Variants in PACSIN1 observed in about 807,000 individuals in gnomAD.
PACSIN1 encodes protein kinase C and casein kinase substrate in neurons 1.
PACSIN1 carries 15 observed loss-of-function variants against 59.5 expected under a neutral mutation model. That is an observed-to-expected ratio of 0.25 (90% CI 0.17 to 0.39). PACSIN1 has a LOEUF of 0.39. PACSIN1 is among the 10% of genes least tolerant of loss of function. The pLI, the probability that PACSIN1 is intolerant of heterozygous loss-of-function variation, is 1.00. For missense variants in PACSIN1, 420 were observed against 580.2 expected, an observed-to-expected ratio of 0.72 and a Z score of 2.84; for synonymous variants, 210 against 220.6, an observed-to-expected ratio of 0.95 and a Z score of 0.42.
At position 34,529,501 on chromosome 6, in the gene PACSIN1, G is replaced by A. The variant is rs149629938; in HGVS notation, c.561G>A (p.Gln187=). 10 of 1,614,052 alleles carry A rather than the reference G, an allele frequency of 6.2e-6. No homozygotes were observed. The African/African-American group carries it at 1.2e-4, about 19-fold the overall frequency. ...CGGAGCAATCGGTCACACCTGAGCA[G>A]CAAAAGAAGCTGCAGGACAAAGTGG... ...SKTEQSVTPE[Q]QKKLQDKVDK... Residue 187 remains glutamine (Q), a synonymous_variant, in exon 5 of 10, where the codon CAG becomes CAA. Coordinates refer to ENST00000244458, the MANE Select transcript of PACSIN1 (RefSeq NM_020804.5). The surrounding 1 kb of genome is among the most constrained non-coding windows in gnomAD (Gnocchi z 6.3).
intron 1 of PACSIN1, among the ~76,000 whole-genome samples, chr6:34,496,247 T>C (rs573443947): frequency 1.3e-5 from 2 of 152,190 alleles, no homozygotes; most frequent in African/African-American, 4.8e-5. Flanking sequence ...ATTATGAAGA[T>C]TGCACAGGCA....
At chr6:34,492,916 C>A (rs1361780454) in intron 1 of PACSIN1, among the ~76,000 whole-genome samples, 1 of 152,176 alleles carries the variant, frequency 6.6e-6, no homozygotes, top group Non-Finnish European at 1.5e-5. Context: ...CACGTGTACT[C>A]CTGTATCTAA....
intron 1 of PACSIN1, among the ~76,000 whole-genome samples, chr6:34,480,316 C>T (rs898057211): frequency 2.6e-5 from 4 of 151,436 alleles, no homozygotes; most frequent in Admixed American, 6.6e-5. Context: ...CCTCTGCCTC[C>T]CAGGCTCAAA....
chr6:34,502,525 G>T (rs553087064), intron 1 of PACSIN1, among the ~76,000 whole-genome samples: 1 of 144,864 alleles, frequency 6.9e-6, no homozygotes, highest in Non-Finnish European at 1.5e-5. Flanking sequence ...GAGTGCAGTG[G>T]CGTGATCTCG....
chr6:34,514,305 T>C lies in PACSIN1; in HGVS notation c.-63-11938T>C, dbSNP rs559727180. ...GGTGCCGACAGCTAGCCCAGGAACC[T>C]TGGACTCTCCAATTCTTTTACAGCT... On this transcript the variant is annotated intron_variant, in intron 1 of 9. Coordinates refer to ENST00000244458, the MANE Select transcript of PACSIN1 (RefSeq NM_020804.5). This position sits in a 1 kb window ranked among gnomAD's most constrained non-coding sequence, Gnocchi z 4.4. Among the ~76,000 whole-genome samples, 1 of 152,112 alleles carries C rather than the reference T, an allele frequency of 6.6e-6. No individual in the cohort carries two copies. Among genetic ancestry groups the C allele is most frequent in the East Asian group, 1.9e-4 (1 of 5,162 alleles).
rs1281479825 is a variant in PACSIN1 at position 34,530,045 on chromosome 6, G to A, written c.789-198G>A. ...ACTCTAGAAACACATGCTGGATGATGGGTGAATGGCTAAGGTGGGAGGGAA... is the reference window on the plus strand; with the variant it reads ...ACTCTAGAAACACATGCTGGATGATAGGTGAATGGCTAAGGTGGGAGGGAA... On this transcript the variant is annotated intron_variant, in intron 6 of 9. Coordinates refer to ENST00000244458, the MANE Select transcript of PACSIN1 (RefSeq NM_020804.5). The surrounding 1 kb of genome is among the most constrained non-coding windows in gnomAD (Gnocchi z 4.4). Among the ~76,000 whole-genome samples, 1 of 152,182 alleles carries A rather than the reference G, an allele frequency of 6.6e-6. No homozygotes were observed. Among genetic ancestry groups the A allele is most frequent in the Non-Finnish European group, 1.5e-5 (1 of 68,032 alleles).
Position 34,528,817 on chromosome 6 carries a change from G to T in PACSIN1, c.396G>T (p.Thr132=). The change falls in exon 4 of 10, where the codon ACG becomes ACT. Residue 132 remains threonine, a synonymous_variant. Coordinates refer to ENST00000244458, the MANE Select transcript of PACSIN1 (RefSeq NM_020804.5). The stretch of plus-strand genomic sequence containing the variant: ...AGATCATGGGTGGCTTCAAGGAGAC[G>T]AAGGAGGCTGAAGATGGCTTCCGCA... ...HKQIMGGFKE[T]KEAEDGFRKA... 1 of 1,596,374 alleles carries T rather than the reference G, an allele frequency of 6.3e-7. No homozygotes were observed. The highest frequency in any genetic ancestry group is 8.6e-7 in the Non-Finnish European group (1 of 1,168,806).
intron 1 of PACSIN1, among the ~76,000 whole-genome samples, chr6:34,501,727 A>T (rs1475176923): frequency 6.6e-6 from 1 of 152,160 alleles, no homozygotes; most frequent in Non-Finnish European, 1.5e-5. Flanking sequence ...TCAGAAAGGT[A>T]GGTTATTAAA....
At chr6:34,508,165 G>A (rs776815854) in intron 1 of PACSIN1, among the ~76,000 whole-genome samples, 5 of 152,090 alleles carry the variant, frequency 3.3e-5, no homozygotes, top group South Asian at 2.1e-4. Context: ...GTCCAATGGC[G>A]CAATCTCAGC....
rs1395912749 is a variant in PACSIN1, at chr6:34,531,861, T to C, written c.1225+74T>C. The C allele has an allele frequency of 7.2e-7, 1 of 1,386,700 alleles. No homozygotes were observed. The highest frequency in any genetic ancestry group is 1.4e-5 in the South Asian group (1 of 71,824). The allele number at this position is 1,386,700 out of a possible 1,614,324, so 85.9% of individuals were successfully genotyped here. A position where few individuals can be genotyped will look rare whatever the true frequency, so the allele number is the denominator to read the frequency against. ...TGGGTGTGTGGTGGTGCAGGGGCGG[T>C]GCCTGAGAGAGAAGCTTGGGTCTGG... On this transcript the variant is annotated intron_variant, in intron 9 of 9. Coordinates refer to ENST00000244458, the MANE Select transcript of PACSIN1 (RefSeq NM_020804.5). The surrounding 1 kb of genome is among the most constrained non-coding windows in gnomAD (Gnocchi z 4.4).
rs746256068 is a variant in PACSIN1 at position 34,489,156 on chromosome 6, CCTGGGT to C, written c.-64+22887_-64+22892del. Among the ~76,000 whole-genome samples, 41 of 150,454 alleles carry C rather than the reference CCTGGGT, an allele frequency of 2.7e-4. No individual in the cohort carries two copies. In the East Asian group the frequency reaches 6.3e-3, roughly 23 times the overall value. ...AGTTGGTGCCACTGCTGCACACCAG[CCTGGGT>C]GATAGAGTGAGAGTTTGTCTCAAAA... On this transcript the variant is annotated intron_variant, in intron 1 of 9. Transcript: ENST00000244458.
intron 1 of PACSIN1, among the ~76,000 whole-genome samples, chr6:34,507,690 G>C (rs1386460540): frequency 6.6e-6 from 1 of 152,084 alleles, no homozygotes; most frequent in Admixed American, 6.6e-5. Flanking sequence ...TATACCCATC[G>C]AATAGCAGCT....
intron 1 of PACSIN1, among the ~76,000 whole-genome samples, chr6:34,469,210 G>A (rs1766538467): frequency 6.6e-6 from 1 of 152,016 alleles, no homozygotes. Context: ...GCTTGGTTTG[G>A]TTTTACATTT....
At chr6:34,485,393 G>A (rs114158225) in intron 1 of PACSIN1, among the ~76,000 whole-genome samples, 2,718 of 152,154 alleles carry the variant, frequency 0.018, 50 homozygotes, top group African/African-American at 0.051. Flanking sequence ...GGGACAGGGG[G>A]CTGGGGCAGA....
intron 1 of PACSIN1, among the ~76,000 whole-genome samples, chr6:34,489,688 G>A (rs946247471): frequency 1.3e-5 from 2 of 152,166 alleles, no homozygotes; most frequent in African/African-American, 4.8e-5. Flanking sequence ...CCTGTGAGCC[G>A]AAGCTGGGCC....
At chr6:34,495,509 G>C (rs1338323788) in intron 1 of PACSIN1, among the ~76,000 whole-genome samples, 1 of 151,066 alleles carries the variant, frequency 6.6e-6, no homozygotes, top group Non-Finnish European at 1.5e-5. Flanking sequence ...CTAAAGTGCA[G>C]TGGCACTATC....
chr6:34,528,431 G>A (rs1767527058), intron 3 of PACSIN1, among the ~76,000 whole-genome samples: 1 of 152,260 alleles, frequency 6.6e-6, no homozygotes, highest in East Asian at 1.9e-4. Flanking sequence ...TGCAGCGAGG[G>A]CTGCTGGCCA....
chr6:34,506,356 G>A (rs1029032694), intron 1 of PACSIN1, among the ~76,000 whole-genome samples: 1 of 152,088 alleles, frequency 6.6e-6, no homozygotes. Flanking sequence ...GTCTGGGACT[G>A]CAGCCATGCA....
intron 1 of PACSIN1, among the ~76,000 whole-genome samples, chr6:34,506,308 A>C (rs1767113909): frequency 6.6e-6 from 1 of 152,046 alleles, no homozygotes; most frequent in Non-Finnish European, 1.5e-5. Flanking sequence ...GCCTCGACCT[A>C]CTGGGCTCAA....
Sources: allele counts gnomAD v4.1 joint callset (sites outside exome capture counted in the v4.1 genomes callset), GRCh38; gene constraint gnomAD v4.1.1; non-coding constraint Gnocchi (gnomAD v3.1); transcripts MANE v1.5; gene names NCBI Gene and HGNC (gene_info 2026-07-23, HGNC 2026-07-21).